The following SH2D4A variants were observed in gnomAD, a reference collection of about 807,000 sequenced individuals.
SH2D4A encodes SH2 domain containing 4A.
A neutral mutation model predicts 64.7 loss-of-function variants in SH2D4A; 70 were observed. The observed-to-expected ratio is 1.08, with a 90% CI of 0.89 to 1.32. The LOEUF (loss-of-function observed/expected upper bound fraction) is 1.32. Ranked by LOEUF, SH2D4A falls within the 40% of genes most tolerant of loss-of-function variation. SH2D4A has a pLI of 0.00. For missense variants in SH2D4A, 706 were observed against 540.1 expected, an observed-to-expected ratio of 1.31 and a Z score of -3.04; for synonymous variants, 268 against 200.7, an observed-to-expected ratio of 1.34 and a Z score of -2.83.
intron 7 of SH2D4A, among the ~76,000 whole-genome samples, chr8:19,368,154 A>G (rs1377119316): frequency 2.6e-5 from 4 of 152,048 alleles, no homozygotes; most frequent in Admixed American, 1.3e-4. Context: ...TTTTATTGAA[A>G]ATCAGTTGAC....
intron 5 of SH2D4A, among the ~76,000 whole-genome samples, chr8:19,360,161 T>C (rs2052857708): frequency 6.6e-6 from 1 of 152,170 alleles, no homozygotes; most frequent in African/African-American, 2.4e-5. Context: ...CACTAAAAAA[T>C]GGTTAAGGTG....
intron 6 of SH2D4A, 183 bp from the exon 7 acceptor site, chr8:19,363,889 C>T: frequency 1.6e-6 from 1 of 610,580 alleles, no homozygotes; most frequent in East Asian, 2.8e-5. Flanking sequence ...AGGAATCCTG[C>T]AGCGAACGCT....
chr8:19,354,145 C>T (rs1368201424), intron 4 of SH2D4A, among the ~76,000 whole-genome samples: 2 of 151,956 alleles, frequency 1.3e-5, no homozygotes, highest in South Asian at 2.1e-4. Context: ...GCATGTGCCA[C>T]CATGCACCAC....
chr8:19,352,880 A>T (rs999196922), intron 4 of SH2D4A, among the ~76,000 whole-genome samples: 4 of 152,016 alleles, frequency 2.6e-5, no homozygotes, highest in African/African-American at 9.7e-5. Context: ...GTGGTAGTGC[A>T]TGCTTGTAGT....
intron 5 of SH2D4A, 89 bp from the exon 6 acceptor site, chr8:19,361,114 C>CT (rs36018400): frequency 0.91 from 608,185 of 665,836 alleles, 278,789 homozygotes; most frequent in East Asian, 1. Flanking sequence ...CCGGGTACCC[C>CT]GTCCTTCAGG....
chr8:19,326,663 A>ATGTGTGAGT lies in SH2D4A; in HGVS notation c.182-6292_182-6291insTGTGTGAGT, dbSNP rs1191137824. Among the ~76,000 whole-genome samples the ATGTGTGAGT allele has an allele frequency of 3.2e-3, 355 of 109,478 alleles. 1 individual carries two copies. The highest frequency in any genetic ancestry group is 0.011 in the African/African-American group (208 of 18,140). The allele number at this position is 109,478 out of a possible 152,430, so 71.8% of individuals were successfully genotyped here. On this transcript the variant is annotated intron_variant, in intron 2 of 9. Transcript: ENST00000265807. ...CCCACATCGTGTGTGTGTATGTGTG[A>ATGTGTGAGT]GTGTGTGTGTGTGTAGTGTGTGTGA...
chr8:19,363,920 G>T (rs949126824), intron 6 of SH2D4A, 152 bp from the exon 7 acceptor site: 9 of 700,758 alleles, frequency 1.3e-5, no homozygotes, highest in Non-Finnish European at 2.1e-5. Flanking sequence ...TAATGGCCTG[G>T]ATCATAGGTG....
chr8:19,349,929 C>T (rs1458758490), intron 4 of SH2D4A, among the ~76,000 whole-genome samples: 7 of 152,168 alleles, frequency 4.6e-5, no homozygotes, highest in African/African-American at 1.7e-4. Context: ...GTCTCAAACT[C>T]CTGACCTCAA....
At chr8:19,371,850 C>G (rs1002135806) in intron 7 of SH2D4A, among the ~76,000 whole-genome samples, 2 of 152,062 alleles carry the variant, frequency 1.3e-5, no homozygotes, top group Non-Finnish European at 2.9e-5. Flanking sequence ...TCATTTTATT[C>G]ATTGCATTTT....
At position 19,335,540 on chromosome 8, in the gene SH2D4A, G is replaced by A. The variant is rs117356569; in HGVS notation, c.513+683G>A. Among the ~76,000 whole-genome samples the A allele has an allele frequency of 4.3e-3, 653 of 152,264 alleles. 7 individuals carry two copies. Among genetic ancestry groups the A allele is most frequent in the Middle Eastern group, 6.8e-3 (2 of 294 alleles). ...ATAGTAAATGGTTTAGGCTTTATGG[G>A]CCATGCCATCTTTGTCACAGCTATA... On this transcript the variant is annotated intron_variant, in intron 4 of 9. Coordinates refer to ENST00000265807, the MANE Select transcript of SH2D4A (RefSeq NM_022071.4).
At chr8:19,377,760 AGAT>A (rs764774894) in intron 8 of SH2D4A, among the ~76,000 whole-genome samples, 6 of 152,312 alleles carry the variant, frequency 3.9e-5, no homozygotes, top group Admixed American at 2.0e-4. Flanking sequence ...CTCTTACAGA[AGAT>A]GATGTATACA....
At chr8:19,350,649 C>A (rs36023529) in intron 4 of SH2D4A, among the ~76,000 whole-genome samples, 33,770 of 151,862 alleles carry the variant, frequency 0.22, 4,142 homozygotes, top group Middle Eastern at 0.32. Context: ...ACGCCCAGCC[C>A]ACTTTTGTAT....
chr8:19,393,307 C>G lies in SH2D4A; in HGVS notation c.1049-11C>G. The G allele has an allele frequency of 6.2e-7, 1 of 1,611,522 alleles. No homozygotes were observed. The highest frequency in any genetic ancestry group is 1.1e-5 in the South Asian group (1 of 90,606). ...TGGCTGAAATACCTGCCTTTTTTTG[C>G]TTTGCCACAGGAATTCTCACACTCA... On this transcript the variant is annotated splice_polypyrimidine_tract_variant and intron_variant, in intron 8 of 9. Transcript: ENST00000265807.
At chr8:19,368,041 A>G (rs1266653917) in intron 7 of SH2D4A, among the ~76,000 whole-genome samples, 9 of 152,176 alleles carry the variant, frequency 5.9e-5, no homozygotes, top group African/African-American at 1.7e-4. Flanking sequence ...ATTTTTGCAC[A>G]TAGCAAGAGT....
At position 19,337,868 on chromosome 8, in the gene SH2D4A, C is replaced by A. The variant is rs142380265; in HGVS notation, c.513+3011C>A. On this transcript the variant is annotated intron_variant, in intron 4 of 9. Coordinates refer to ENST00000265807, the MANE Select transcript of SH2D4A (RefSeq NM_022071.4). ...CATGGGAATTGTGGGAGTTACAATTCAAGATGAGATTTGGGTGGGGACACA... is the reference window on the plus strand; with the variant it reads ...CATGGGAATTGTGGGAGTTACAATTAAAGATGAGATTTGGGTGGGGACACA... Among the ~76,000 whole-genome samples, 464 of 152,242 alleles carry A rather than the reference C, an allele frequency of 3.0e-3. 5 individuals carry two copies. Among genetic ancestry groups the A allele is most frequent in the African/African-American group, 0.011 (452 of 41,558 alleles).
chr8:19,338,664 C>T (rs995970054), intron 4 of SH2D4A, among the ~76,000 whole-genome samples: 1 of 152,166 alleles, frequency 6.6e-6, no homozygotes, highest in Non-Finnish European at 1.5e-5. Flanking sequence ...GGCAAGGAAT[C>T]GGATTCTCTT....
chr8:19,358,819 A>G (rs1481391744), intron 5 of SH2D4A, among the ~76,000 whole-genome samples: 1 of 152,198 alleles, frequency 6.6e-6, no homozygotes. Context: ...GCGGCTTTCT[A>G]TATGGGCCCA....
chr8:19,328,656 C>T (rs1181212689), intron 2 of SH2D4A, among the ~76,000 whole-genome samples: 1 of 152,186 alleles, frequency 6.6e-6, no homozygotes, highest in Non-Finnish European at 1.5e-5. Context: ...TATATACTGA[C>T]ATGCGGAGCA....
chr8:19,321,475 A>G (rs1272442975), intron 2 of SH2D4A, among the ~76,000 whole-genome samples: 1 of 152,176 alleles, frequency 6.6e-6, no homozygotes, highest in Admixed American at 6.5e-5. Flanking sequence ...GGGCCTCCCA[A>G]AGTGCTGGGA....
Sources: allele counts gnomAD v4.1 joint callset (sites outside exome capture counted in the v4.1 genomes callset), GRCh38; gene constraint gnomAD v4.1.1; transcripts MANE v1.5; gene names NCBI Gene and HGNC (gene_info 2026-07-23, HGNC 2026-07-21).